Variants in APBA1 observed in about 807,000 individuals in gnomAD.
APBA1 encodes the protein amyloid beta precursor protein binding family A member 1, also known as amyloid-beta A4 precursor protein-binding family A member 1.
A neutral mutation model predicts 86.6 loss-of-function variants in APBA1; 55 were observed. The ratio of observed to expected loss-of-function variants is 0.64; its 90% CI spans 0.51 to 0.80. The LOEUF (loss-of-function observed/expected upper bound fraction) is 0.80. APBA1 is among the 30% of genes least tolerant of loss of function. The pLI is 0.00. For synonymous variants in APBA1, 511 were observed against 493.9 expected, an observed-to-expected ratio of 1.03 and a Z score of -0.46; for missense variants, 1,090 against 1,183.0, an observed-to-expected ratio of 0.92 and a Z score of 1.15.
intron 10 of APBA1, among the ~76,000 whole-genome samples, chr9:69,448,690 G>A (rs1834952506): frequency 6.6e-6 from 1 of 151,050 alleles, no homozygotes; most frequent in African/African-American, 2.4e-5. Context: ...TCTCACACAT[G>A]CACATACGCA....
At chr9:69,568,765 T>G (rs1283337026) in intron 1 of APBA1, among the ~76,000 whole-genome samples, 1 of 152,200 alleles carries the variant, frequency 6.6e-6, no homozygotes, top group Non-Finnish European at 1.5e-5. Context: ...TACGCCTGGG[T>G]CCTCATGTCT....
chr9:69,481,077 CCT>C (rs1835498766), intron 2 of APBA1, among the ~76,000 whole-genome samples: 2 of 149,204 alleles, frequency 1.3e-5, no homozygotes, highest in East Asian at 4.0e-4. Flanking sequence ...ACAGGGATGC[CCT>C]CTCTCACCAC....
At chr9:69,481,293 A>C (rs909205815) in intron 2 of APBA1, among the ~76,000 whole-genome samples, 1 of 152,078 alleles carries the variant, frequency 6.6e-6, no homozygotes, top group Non-Finnish European at 1.5e-5. Context: ...ATACAAAATC[A>C]ATGTGCAAAA....
intron 1 of APBA1, among the ~76,000 whole-genome samples, chr9:69,520,632 A>C (rs1836237042): frequency 1.3e-5 from 2 of 152,186 alleles, no homozygotes; most frequent in Admixed American, 1.3e-4. Flanking sequence ...ACTTCAACTC[A>C]GCCAGCCACA....
At chr9:69,441,623 GC>G (rs1282233503) in intron 10 of APBA1, among the ~76,000 whole-genome samples, 1 of 152,136 alleles carries the variant, frequency 6.6e-6, no homozygotes, top group Non-Finnish European at 1.5e-5. Context: ...TGTCTCTGAT[GC>G]TCCTCTTTCC....
At chr9:69,473,785 ATTCAC>A (rs762811599) in intron 3 of APBA1, among the ~76,000 whole-genome samples, 13 of 152,206 alleles carry the variant, frequency 8.5e-5, no homozygotes, top group Non-Finnish European at 1.9e-4. Context: ...CATTTGGTAC[ATTCAC>A]TTATTCTCTA....
At position 69,553,124 on chromosome 9, in the gene APBA1, T is replaced by C. The variant is rs116918735; in HGVS notation, c.-69-35845A>G. 7.0e-3 allele frequency among the ~76,000 whole-genome samples: 1,067 copies of C among 152,290 alleles called. 4 individuals carry two copies. The highest frequency in any genetic ancestry group is 0.012 in the Non-Finnish European group (783 of 68,030). Reference sequence around the variant, plus strand: ...TTTCTCCATGTTGCCCACGTTAGTGTTGAACTCCTGGGCTCAATTGATCTG... The same window carrying C: ...TTTCTCCATGTTGCCCACGTTAGTGCTGAACTCCTGGGCTCAATTGATCTG... On this transcript the variant is annotated intron_variant, in intron 1 of 12. Transcript: ENST00000265381.
At chr9:69,568,080 T>C (rs1255617513) in intron 1 of APBA1, among the ~76,000 whole-genome samples, 1 of 152,212 alleles carries the variant, frequency 6.6e-6, no homozygotes, top group African/African-American at 2.4e-5. Context: ...AAGGTCAGTC[T>C]ACACTTCCTT....
chr9:69,517,044 G>A lies in APBA1; in HGVS notation c.167C>T (p.Ala56Val), dbSNP rs1836173091. The stretch of plus-strand genomic sequence containing the variant: ...GAGCTGGGCGCGGAGGTCCTCGAGG[G>A]CTCGCCCGCGCTGGTGGCGGCCCAC... ...HYVGRHQRGR[A>V]LEDLRAQLGQ... is the part of the protein sequence containing the mutation. The change falls in exon 2 of 13, where the codon GCC becomes GTC. Residue 56 changes from alanine (A) to valine (V), a missense_variant. By Grantham distance (64) the Ala-to-Val change is moderately conservative (BLOSUM62 0). This residue lies in a region of APBA1 where 678 missense variants were observed against 647.1 expected (regional missense o/e 1.05). Coordinates refer to ENST00000265381, the MANE Select transcript of APBA1 (RefSeq NM_001163.4). 12 of 1,580,226 alleles carry A rather than the reference G, an allele frequency of 7.6e-6. No individual in the cohort carries two copies. The highest frequency in any genetic ancestry group is 1.0e-5 in the Non-Finnish European group (12 of 1,169,880).
chr9:69,605,261 T>C (rs1822449144), intron 1 of APBA1, among the ~76,000 whole-genome samples: 1 of 151,710 alleles, frequency 6.6e-6, no homozygotes, highest in Non-Finnish European at 1.5e-5. Context: ...ACTAACCTCC[T>C]TTACAGTAAA....
intron 1 of APBA1, among the ~76,000 whole-genome samples, chr9:69,536,126 C>G (rs1255216528): frequency 1.5e-4 from 22 of 151,298 alleles, no homozygotes; most frequent in Non-Finnish European, 2.9e-5. Flanking sequence ...TTTACTATTG[C>G]TTACTCATTC....
intron 10 of APBA1, 124 bp downstream of exon 10, chr9:69,449,454 TTTTGTG>T: frequency 1.2e-6 from 1 of 847,008 alleles, no homozygotes; most frequent in South Asian, 1.6e-5. Flanking sequence ...AGTCCACGCC[TTTTGTG>T]TTTGTGTCTT....
intron 1 of APBA1, among the ~76,000 whole-genome samples, chr9:69,518,997 A>G (rs2133893228): frequency 6.6e-6 from 1 of 152,360 alleles, no homozygotes; most frequent in African/African-American, 2.4e-5. Context: ...ACGGTTTACA[A>G]GAGATGAACA....
At chr9:69,446,323 G>A (rs1834907483) in intron 10 of APBA1, among the ~76,000 whole-genome samples, 1 of 152,180 alleles carries the variant, frequency 6.6e-6, no homozygotes. Context: ...CACTGTGGCA[G>A]GGAGGAAGTT....
At chr9:69,442,163 C>G (rs34665415) in intron 10 of APBA1, among the ~76,000 whole-genome samples, 6,397 of 152,304 alleles carry the variant, frequency 0.042, 191 homozygotes, top group Non-Finnish European at 0.067. Context: ...CCCAGGGTGC[C>G]TGCTGTGCCT....
intron 2 of APBA1, among the ~76,000 whole-genome samples, chr9:69,481,917 T>C (rs1248722452): frequency 2.0e-5 from 3 of 151,712 alleles, no homozygotes; most frequent in East Asian, 1.9e-4. Context: ...TGGCTAGCCA[T>C]ATGTAGAAAG....
intron 1 of APBA1, among the ~76,000 whole-genome samples, chr9:69,577,170 T>C (rs554372794): frequency 1.6e-4 from 24 of 152,198 alleles, no homozygotes; most frequent in Non-Finnish European, 2.9e-4. Flanking sequence ...AAACTATATA[T>C]TATTGTTAAC....
intron 9 of APBA1, among the ~76,000 whole-genome samples, chr9:69,451,906 A>C (rs750653826): frequency 1.3e-4 from 20 of 152,178 alleles, no homozygotes; most frequent in Non-Finnish European, 2.4e-4. Flanking sequence ...GGAGCAGAGG[A>C]TGTGCTGCCT....
chr9:69,611,763 T>C (rs559667798), intron 1 of APBA1, among the ~76,000 whole-genome samples: 15 of 152,332 alleles, frequency 9.8e-5, no homozygotes, highest in African/African-American at 3.4e-4. Context: ...GGTATGTGCA[T>C]TGTGTGTTCA....
Sources: gnomAD v4.1 joint callset for allele counts (sites outside exome capture counted in the v4.1 genomes callset) on GRCh38, gnomAD v4.1.1 for gene constraint, gnomAD v4.1.1 regional missense constraint, MANE v1.5 for transcripts, NCBI Gene and HGNC (gene_info 2026-07-23, HGNC 2026-07-21) for gene names.